Variants in GLRA1 observed in about 807,000 individuals in gnomAD.
The protein encoded by GLRA1 is glycine receptor alpha 1, also known as glycine receptor subunit alpha-1.
GLRA1 carries 37 observed loss-of-function variants against 48.3 expected under a neutral mutation model. The ratio of observed to expected loss-of-function variants is 0.77; its 90% CI spans 0.59 to 1.01. The LOEUF (loss-of-function observed/expected upper bound fraction) is 1.01. GLRA1 is among the 50% of genes least tolerant of loss of function. GLRA1 has a pLI of 0.00. For missense variants in GLRA1, 427 were observed against 571.0 expected (o/e 0.75, Z 2.57); for synonymous variants, 196 against 210.7 (o/e 0.93, Z 0.60).
intron 1 of GLRA1, among the ~76,000 whole-genome samples, chr5:151,906,020 G>C (rs541380524): frequency 9.9e-5 from 15 of 152,176 alleles, no homozygotes; most frequent in African/African-American, 2.9e-4. Context: ...GCTCGAAATG[G>C]GGGGTGGGAT....
intron 1 of GLRA1, among the ~76,000 whole-genome samples, chr5:151,918,721 A>G (rs142762503): frequency 6.6e-6 from 1 of 152,302 alleles, no homozygotes; most frequent in East Asian, 1.9e-4. Flanking sequence ...TCAATTTGCA[A>G]AAGAAGCTTG....
At chr5:151,899,570 C>T (rs946759369) in intron 1 of GLRA1, among the ~76,000 whole-genome samples, 2 of 152,074 alleles carry the variant, frequency 1.3e-5, no homozygotes, top group Admixed American at 6.5e-5. Flanking sequence ...CGGCTCTGAC[C>T]CCAAGGGACT....
chr5:151,828,855 A>T, intron 8 of GLRA1, 66 bp downstream of exon 8: 2 of 1,489,292 alleles, frequency 1.3e-6, no homozygotes, highest in Non-Finnish European at 1.8e-6. Flanking sequence ...ACACAAGACA[A>T]TACTGCTTAG....
At chr5:151,886,286 A>G (rs973813308) in intron 3 of GLRA1, among the ~76,000 whole-genome samples, 3 of 152,162 alleles carry the variant, frequency 2.0e-5, no homozygotes, top group Non-Finnish European at 2.9e-5. Context: ...GATTCATTCT[A>G]AACTTTTTTA....
chr5:151,878,406 G>T (rs1753679200), intron 3 of GLRA1, among the ~76,000 whole-genome samples: 1 of 152,184 alleles, frequency 6.6e-6, no homozygotes, highest in Admixed American at 6.5e-5. Context: ...CTGACAATGT[G>T]CTAGAAAAGA....
At chr5:151,841,235 A>C (rs920047746) in intron 7 of GLRA1, among the ~76,000 whole-genome samples, 1 of 152,168 alleles carries the variant, frequency 6.6e-6, no homozygotes, top group Non-Finnish European at 1.5e-5. Context: ...TGGAAAACTC[A>C]CAACAATAAA....
At chr5:151,853,531 C>T (rs1246822899) in intron 6 of GLRA1, among the ~76,000 whole-genome samples, 5 of 151,854 alleles carry the variant, frequency 3.3e-5, no homozygotes, top group Admixed American at 2.6e-4. Flanking sequence ...GCTGGGATTA[C>T]AGGCATGAGC....
Position 151,823,001 on chromosome 5 carries a change from G to A in GLRA1, c.1060-38C>T. ...CAACATGGGGCTCTACTTAAAATAA[G>A]ACAGGGGCTAGGCACCCTCCCTGCA... On this transcript the variant is annotated intron_variant, in intron 8 of 8. Coordinates refer to ENST00000274576, the MANE Select transcript of GLRA1 (RefSeq NM_000171.4). The A allele has an allele frequency of 3.2e-6, 5 of 1,552,300 alleles. No individual in the cohort carries two copies. The South Asian group carries it at 3.7e-5, about 12-fold the overall frequency.
chr5:151,888,701 A>C (rs1753982485), intron 2 of GLRA1, among the ~76,000 whole-genome samples: 1 of 152,184 alleles, frequency 6.6e-6, no homozygotes, highest in Non-Finnish European at 1.5e-5. Context: ...CCAAGAGTCT[A>C]GTGTTCAGAG....
rs1057517994 is a variant in GLRA1, at chr5:151,851,597, G to C, written c.705C>G (p.Phe235Leu). Reference sequence around the variant, plus strand: ...GGTGGAACCGGGCCTCAATGCAGGTGAATTTACCTGCAAGAAATTGCAGTG... The same window carrying C: ...GGTGGAACCGGGCCTCAATGCAGGTCAATTTACCTGCAAGAAATTGCAGTG... ...YCTKHYNTGKFTCIEARFHLE... is the reference protein window; with the variant it reads ...YCTKHYNTGKLTCIEARFHLE... The change falls in exon 7 of 9, where the codon TTC (phenylalanine) becomes TTG (leucine). Residue 235 changes from phenylalanine to leucine, a missense_variant. By Grantham distance (22) the Phe-to-Leu change is conservative. Transcript: ENST00000274576. 6.2e-7 allele frequency: 1 copy of C among 1,607,654 alleles called. No homozygotes were observed. Among genetic ancestry groups the C allele is most frequent in the Non-Finnish European group, 8.5e-7 (1 of 1,174,084 alleles).
intron 7 of GLRA1, among the ~76,000 whole-genome samples, chr5:151,843,040 A>G (rs532713165): frequency 6.6e-6 from 1 of 152,314 alleles, no homozygotes; most frequent in Non-Finnish European, 1.5e-5. Flanking sequence ...ATTTAACAAA[A>G]TAAGTGCAAG....
rs570207693 is a variant in GLRA1, at chr5:151,897,151, A to G, written c.57-4713T>C. 2.0e-5 allele frequency among the ~76,000 whole-genome samples: 3 copies of G among 152,316 alleles called. No individual in the cohort carries two copies. In the South Asian group the frequency reaches 6.2e-4, roughly 32 times the overall value. ...AATACAAAGGCTCCATATTAATGCCAAAGTAGCTATGCCTCCCTCCACTTG... is the reference window on the plus strand; with the variant it reads ...AATACAAAGGCTCCATATTAATGCCGAAGTAGCTATGCCTCCCTCCACTTG... On this transcript the variant is annotated intron_variant, in intron 1 of 8. Transcript: ENST00000274576.
intron 7 of GLRA1, 39 bp from the exon 8 acceptor site, chr5:151,829,106 A>C (rs781051237): frequency 6.2e-7 from 1 of 1,603,720 alleles, no homozygotes; most frequent in East Asian, 2.2e-5. Context: ...AGGTGAAAGC[A>C]GGGGAATGTA....
intron 7 of GLRA1, among the ~76,000 whole-genome samples, chr5:151,845,817 C>G (rs1283538851): frequency 1.3e-5 from 2 of 152,174 alleles, no homozygotes; most frequent in Non-Finnish European, 2.9e-5. Context: ...AACCAAATGC[C>G]TAACTGCTGA....
At chr5:151,840,543 A>G (rs1763691010) in intron 7 of GLRA1, among the ~76,000 whole-genome samples, 1 of 152,200 alleles carries the variant, frequency 6.6e-6, no homozygotes, top group South Asian at 2.1e-4. Flanking sequence ...GTGGAAATAG[A>G]CTAAACAAAC....
At chr5:151,914,276 G>C (rs1324567533) in intron 1 of GLRA1, among the ~76,000 whole-genome samples, 2 of 152,222 alleles carry the variant, frequency 1.3e-5, no homozygotes, top group Admixed American at 1.3e-4. Flanking sequence ...GGCCATGTCA[G>C]GGGTGATGCT....
chr5:151,886,650 T>G (rs527388620), intron 3 of GLRA1, 71 bp downstream of exon 3: 7 of 1,143,346 alleles, frequency 6.1e-6, no homozygotes, highest in Admixed American at 1.7e-5. Flanking sequence ...TGGAGACCAA[T>G]GCAGAGGATA....
chr5:151,916,894 G>A (rs1161408179), intron 1 of GLRA1, among the ~76,000 whole-genome samples: 1 of 152,146 alleles, frequency 6.6e-6, no homozygotes, highest in Non-Finnish European at 1.5e-5. Flanking sequence ...TGGGGATAGG[G>A]ATAGCTCCCT....
chr5:151,861,118 G>A (rs1753193768), intron 3 of GLRA1, among the ~76,000 whole-genome samples: 1 of 152,132 alleles, frequency 6.6e-6, no homozygotes. Flanking sequence ...TCTTAATCCA[G>A]TCTATCATTG....
Sources: allele counts gnomAD v4.1 joint callset (sites outside exome capture counted in the v4.1 genomes callset), GRCh38; gene constraint gnomAD v4.1.1; transcripts MANE v1.5; gene names NCBI Gene and HGNC (gene_info 2026-07-23, HGNC 2026-07-21).